PCDH9: variants seen among roughly 807,000 people sequenced by gnomAD.
PCDH9 encodes the protein protocadherin 9.
PCDH9 carries 24 observed loss-of-function variants against 70.6 expected under a neutral mutation model. The ratio of observed to expected loss-of-function variants is 0.34; its 90% CI spans 0.25 to 0.48. The LOEUF is 0.48. Ranked by LOEUF, PCDH9 falls within the 20% of genes least tolerant of loss-of-function variation. The pLI is 0.99. For synonymous variants in PCDH9, 562 were observed against 558.5 expected, an observed-to-expected ratio of 1.01 and a Z score of -0.09; for missense variants, 1,281 against 1,503.6, an observed-to-expected ratio of 0.85 and a Z score of 2.45.
chr13:66,917,320 C>A (rs1041210673), intron 2 of PCDH9, among the ~76,000 whole-genome samples: 5 of 151,478 alleles, frequency 3.3e-5, no homozygotes, highest in Non-Finnish European at 3.0e-5. Context: ...TTTACTGATG[C>A]AAGATATTAA....
At chr13:67,057,042 T>C (rs2085434765) in intron 2 of PCDH9, among the ~76,000 whole-genome samples, 1 of 152,168 alleles carries the variant, frequency 6.6e-6, no homozygotes, top group Non-Finnish European at 1.5e-5. Flanking sequence ...AATATATAGA[T>C]TATAACTATG....
chr13:66,488,715 G>T (rs1001381037), intron 4 of PCDH9, among the ~76,000 whole-genome samples: 1 of 152,114 alleles, frequency 6.6e-6, no homozygotes, highest in Non-Finnish European at 1.5e-5. Flanking sequence ...TTATATATGT[G>T]TGTGAATTTA....
intron 3 of PCDH9, among the ~76,000 whole-genome samples, chr13:66,795,233 C>A (rs1188607742): frequency 3.9e-5 from 6 of 152,028 alleles, no homozygotes; most frequent in South Asian, 2.1e-4. Flanking sequence ...GGATCAGCAT[C>A]CCTAATCCAA....
At chr13:66,713,625 G>GTGTATATATA (rs1379996611) in intron 3 of PCDH9, among the ~76,000 whole-genome samples, 4 of 110,012 alleles carry the variant, frequency 3.6e-5, no homozygotes, top group African/African-American at 1.5e-4. Context: ...GTGTGTGTGT[G>GTGTATATATA]TATATATATA....
At position 66,508,575 on chromosome 13, in the gene PCDH9, C is replaced by T. The variant is rs541523081; in HGVS notation, c.3340+122635G>A. ...GTGATGTCGAATACATTTCAAAACA[C>T]ATCAAGAACTTTGTACCACTTAGTC... On this transcript the variant is annotated intron_variant, in intron 4 of 4. Transcript: ENST00000377865. Among the ~76,000 whole-genome samples the T allele has an allele frequency of 7.9e-5, 12 of 152,216 alleles. No homozygotes were observed. In the South Asian group the frequency reaches 2.3e-3, roughly 29 times the overall value.
chr13:66,723,961 T>C (rs77623520), intron 3 of PCDH9, among the ~76,000 whole-genome samples: 2,723 of 152,296 alleles, frequency 0.018, 32 homozygotes, highest in Middle Eastern at 0.061. Context: ...TTTCCTTAAT[T>C]GGAAGTTATT....
chr13:66,783,705 G>A (rs2080035747), intron 3 of PCDH9, among the ~76,000 whole-genome samples: 1 of 152,008 alleles, frequency 6.6e-6, no homozygotes, highest in Non-Finnish European at 1.5e-5. Context: ...AAAGGAATGA[G>A]ATGATCTTTC....
At chr13:66,846,414 C>T (rs560905611) in intron 3 of PCDH9, among the ~76,000 whole-genome samples, 1 of 152,158 alleles carries the variant, frequency 6.6e-6, no homozygotes, top group South Asian at 2.1e-4. Context: ...TTTTCACTAC[C>T]AACATGTTGA....
At chr13:66,483,234 A>G (rs1162961971) in intron 4 of PCDH9, among the ~76,000 whole-genome samples, 1 of 152,214 alleles carries the variant, frequency 6.6e-6, no homozygotes, top group Non-Finnish European at 1.5e-5. Flanking sequence ...ATTACACAGA[A>G]TTGGCTCTTT....
At chr13:66,954,910 C>A (rs1489824055) in intron 2 of PCDH9, among the ~76,000 whole-genome samples, 2 of 152,174 alleles carry the variant, frequency 1.3e-5, no homozygotes, top group African/African-American at 4.8e-5. Context: ...ACTACAGGCG[C>A]CTGCCTCCAC....
intron 4 of PCDH9, among the ~76,000 whole-genome samples, chr13:66,326,641 A>G (rs553679261): frequency 6.6e-6 from 1 of 151,656 alleles, no homozygotes; most frequent in Admixed American, 6.6e-5. Context: ...CTGATCTCCA[A>G]CTCCTGGCCT....
intron 3 of PCDH9, among the ~76,000 whole-genome samples, chr13:66,749,098 C>A (rs893074635): frequency 1.3e-5 from 2 of 152,168 alleles, no homozygotes; most frequent in Admixed American, 1.3e-4. Context: ...GCCTCCCCAG[C>A]CATGTGGAAC....
chr13:66,950,250 C>T (rs1353183605), intron 2 of PCDH9, among the ~76,000 whole-genome samples: 1 of 152,108 alleles, frequency 6.6e-6, no homozygotes, highest in African/African-American at 2.4e-5. Context: ...GTGCCTGTGA[C>T]ATCCTGCAGC....
At chr13:66,751,540 C>A (rs1174512736) in intron 3 of PCDH9, among the ~76,000 whole-genome samples, 1 of 152,108 alleles carries the variant, frequency 6.6e-6, no homozygotes, top group Non-Finnish European at 1.5e-5. Context: ...ATTTGTTCAG[C>A]TGTGTTTTAT....
intron 3 of PCDH9, among the ~76,000 whole-genome samples, chr13:66,641,363 C>T (rs539723473): frequency 1.3e-5 from 2 of 152,292 alleles, no homozygotes; most frequent in East Asian, 1.9e-4. Context: ...CGTTAAAGAA[C>T]TTGATCCTCT....
chr13:67,106,331 G>C (rs968417472), intron 2 of PCDH9, among the ~76,000 whole-genome samples: 1 of 152,146 alleles, frequency 6.6e-6, no homozygotes, highest in African/African-American at 2.4e-5. Flanking sequence ...TGTTAAAAGA[G>C]TTAAGTGTTC....
intron 3 of PCDH9, among the ~76,000 whole-genome samples, chr13:66,727,036 T>C (rs2079014570): frequency 6.6e-6 from 1 of 152,058 alleles, no homozygotes; most frequent in African/African-American, 2.4e-5. Flanking sequence ...ATTGGGAGGA[T>C]TGCTTGAGGG....
At chr13:66,645,137 G>A (rs1296237988) in intron 3 of PCDH9, among the ~76,000 whole-genome samples, 1 of 152,066 alleles carries the variant, frequency 6.6e-6, no homozygotes, top group East Asian at 1.9e-4. Flanking sequence ...TGAAAATCTA[G>A]AAGAGTTTCA....
chr13:66,552,787 A>G lies in PCDH9; in HGVS notation c.3340+78423T>C, dbSNP rs147670610. On this transcript the variant is annotated intron_variant, in intron 4 of 4. Transcript: ENST00000377865. ...AGAAAGATGAGGAATGTACTAGTCC[A>G]TTCTCATGCTGCTAATAAAGATATA... Among the ~76,000 whole-genome samples, 654 of 152,272 alleles carry G rather than the reference A, an allele frequency of 4.3e-3. 2 individuals carry two copies. The highest frequency in any genetic ancestry group is 0.015 in the African/African-American group (625 of 41,552).
Sources: allele counts gnomAD v4.1 joint callset (sites outside exome capture counted in the v4.1 genomes callset), GRCh38; gene constraint gnomAD v4.1.1; transcripts MANE v1.5; gene names NCBI Gene and HGNC (gene_info 2026-07-23, HGNC 2026-07-21).